Variants in MYO7A observed in about 807,000 individuals in gnomAD.
MYO7A encodes the protein myosin VIIA, also known as unconventional myosin-VIIa.
Under a neutral mutation model 263.8 loss-of-function variants are expected in MYO7A, and 210 were observed. The observed-to-expected ratio is 0.80, with a 90% confidence interval of 0.71 to 0.89. The LOEUF is 0.89. MYO7A is among the 40% of genes least tolerant of loss of function. The pLI is 0.00. For synonymous variants in MYO7A, 1,239 were observed against 1,197.3 expected (o/e 1.03, Z -0.72); for missense variants, 2,820 against 2,968.3 (o/e 0.95, Z 1.16).
chr11:77,150,723 T>A (rs1221153375), intron 4 of MYO7A, among the ~76,000 whole-genome samples: 5 of 152,170 alleles, frequency 3.3e-5, no homozygotes, highest in Non-Finnish European at 7.3e-5. Context: ...TGGAAGGGCC[T>A]CAGCTCCAAT....
chr11:77,135,726 A>G lies in MYO7A; in HGVS notation c.18+5074A>G, dbSNP rs1048495779. Among the ~76,000 whole-genome samples, 9 of 140,104 alleles carry G rather than the reference A, an allele frequency of 6.4e-5. No individual in the cohort carries two copies. The East Asian group carries it at 2.1e-3, about 32-fold the overall frequency. 91.9% of individuals were successfully genotyped at this position (140,104 alleles called of 152,430 possible). On this transcript the variant is annotated intron_variant, in intron 2 of 48. Coordinates refer to ENST00000409709, the MANE Select transcript of MYO7A (RefSeq NM_000260.4). The stretch of plus-strand genomic sequence containing the variant: ...GTTCCATTTTCTCCACATCTTTACC[A>G]ATACTTATTTTCTGTTTTGTTTTGT...
At chr11:77,156,121 C>T (rs375545498) in intron 5 of MYO7A, 30 bp downstream of exon 5, 23 of 1,609,268 alleles carry the variant, frequency 1.4e-5, no homozygotes, top group African/African-American at 5.3e-5. Flanking sequence ...TGTGGAGCTC[C>T]AGGCTTAGGA....
intron 33 of MYO7A, among the ~76,000 whole-genome samples, chr11:77,197,817 C>T (rs1956776284): frequency 6.6e-6 from 1 of 152,238 alleles, no homozygotes; most frequent in African/African-American, 2.4e-5. Flanking sequence ...CGTCTTGAGC[C>T]AGGGGCCCCC....
chr11:77,157,665 G>C (rs1384997798), intron 8 of MYO7A, among the ~76,000 whole-genome samples: 1 of 152,032 alleles, frequency 6.6e-6, no homozygotes, highest in Admixed American at 6.5e-5. Context: ...TGCCTGGGCT[G>C]GGCTGGGGTG....
At position 77,160,177 on chromosome 11, in the gene MYO7A, C is replaced by T. The variant is rs956387344; in HGVS notation, c.1095C>T (p.Asp365=). 9.6e-6 allele frequency: 15 copies of T among 1,564,108 alleles called. No homozygotes were observed. The highest frequency in any genetic ancestry group is 1.3e-5 in the Non-Finnish European group (15 of 1,155,116). ...AASLLEVNPP[D]LMSCLTSRTL... is the part of the protein sequence containing the mutation. ...GCCTGTACCAGGTGAACCCCCCAGACCTGATGAGCTGCCTGACTAGCCGCA... is the reference window on the plus strand; with the variant it reads ...GCCTGTACCAGGTGAACCCCCCAGATCTGATGAGCTGCCTGACTAGCCGCA... The change falls in exon 11 of 49, where the codon GAC becomes GAT. Residue 365 remains aspartate, a synonymous_variant. Transcript: ENST00000409709.
At chr11:77,178,812 G>A (rs1335584435) in intron 19 of MYO7A, among the ~76,000 whole-genome samples, 1 of 152,092 alleles carries the variant, frequency 6.6e-6, no homozygotes, top group Non-Finnish European at 1.5e-5. Flanking sequence ...AATACCTTTT[G>A]AATGTCTACC....
In MYO7A at chr11:77,205,515, C is replaced by A; in HGVS notation, c.5534C>A (p.Pro1845Gln). The A allele has an allele frequency of 6.2e-7, 1 of 1,602,764 alleles. No individual in the cohort carries two copies. The highest frequency in any genetic ancestry group is 8.5e-7 in the Non-Finnish European group (1 of 1,175,400). Residue 1845 changes from proline to glutamine, a missense_variant, in exon 40 of 49, where the codon CCA becomes CAA. By Grantham distance (76) the Pro-to-Gln change is moderately conservative. Transcript: ENST00000409709. ...CTCTGGCTGTGCACGGGCCTTTTCC[C>A]ACCCAGCAACATCCTCCTGCCCCAC... ...ELLWLCTGLF[P>Q]PSNILLPHVQ...
Position 77,194,506 on chromosome 11 carries a change from C to T in MYO7A, c.4305C>T (p.Ala1435=), listed in dbSNP as rs1208690754. ...LKTLEKWAQL[A]IAAHKKGIYA... ...CGCTGGAGAAGTGGGCCCAGCTGGC[C>T]ATCGCCGCCCACAAGAAGGTAGAAG... The change falls in exon 32 of 49, where the codon GCC becomes GCT. Residue 1435 remains alanine, a synonymous_variant. Transcript: ENST00000409709. 12 of 1,601,954 alleles carry T rather than the reference C, an allele frequency of 7.5e-6. No individual in the cohort carries two copies. Among genetic ancestry groups the T allele is most frequent in the Non-Finnish European group, 1.0e-5 (12 of 1,174,678 alleles).
At chr11:77,195,305 G>A (rs749897106) in intron 32 of MYO7A, among the ~76,000 whole-genome samples, 26 of 151,730 alleles carry the variant, frequency 1.7e-4, no homozygotes, top group Non-Finnish European at 2.9e-4. Context: ...CCCGAGGCCC[G>A]AACCCCCCCG....
chr11:77,181,557 G>T lies in MYO7A; in HGVS notation c.2872G>T (p.Gly958Cys). 6.2e-7 allele frequency: 1 copy of T among 1,613,368 alleles called. No individual in the cohort carries two copies. The highest frequency in any genetic ancestry group is 8.5e-7 in the Non-Finnish European group (1 of 1,179,872). The stretch of plus-strand genomic sequence containing the variant: ...CCTGGGGACTTCAGGTGGCCTGCCA[G>T]GCCAGGAGGGCCAGGCACCTAGTGG... ...GFLGTSGGLP[G>C]QEGQAPSGFE... Residue 958 changes from glycine to cysteine, a missense_variant, in exon 23 of 49, where the codon GGC (glycine) becomes TGC (cysteine). Transcript: ENST00000409709.
intron 39 of MYO7A, among the ~76,000 whole-genome samples, chr11:77,204,498 G>A (rs1264729004): frequency 1.3e-5 from 2 of 152,218 alleles, no homozygotes; most frequent in Non-Finnish European, 2.9e-5. Flanking sequence ...CTGGAGCCTC[G>A]TCTGGATGCC....
Position 77,182,070 on chromosome 11 carries a change from C to T in MYO7A, c.3024C>T (p.Tyr1008=), listed in dbSNP as rs782669055. The change falls in exon 24 of 49, where the codon TAC becomes TAT. Residue 1008 remains tyrosine, a synonymous_variant. Transcript: ENST00000409709. ...EYKFAKFAAT[Y]FQGTTTHSYT... ...AATTTGCCAAGTTCGCGGCCACCTA[C>T]TTCCAGGGGACAACCACGCACTCCT... 6.2e-7 allele frequency: 1 copy of T among 1,613,354 alleles called. No individual in the cohort carries two copies. Among genetic ancestry groups the T allele is most frequent in the Non-Finnish European group, 8.5e-7 (1 of 1,179,722 alleles).
chr11:77,208,589 G>C (rs1467856609), intron 43 of MYO7A, 72 bp downstream of exon 43: 2 of 1,527,532 alleles, frequency 1.3e-6, no homozygotes, highest in South Asian at 1.2e-5. Context: ...TGTGCCGTGA[G>C]GCCCACCTAG....
intron 19 of MYO7A, among the ~76,000 whole-genome samples, chr11:77,178,192 C>CCCAT (rs1208613810): frequency 7.0e-4 from 2 of 2,872 alleles, no homozygotes; most frequent in Non-Finnish European, 5.5e-3. Flanking sequence ...CACCCACCTA[C>CCCAT]CCATCCATCC....
intron 2 of MYO7A, among the ~76,000 whole-genome samples, chr11:77,133,246 C>T (rs1950816930): frequency 6.6e-6 from 1 of 152,126 alleles, no homozygotes; most frequent in Non-Finnish European, 1.5e-5. Flanking sequence ...AAGGACTAGC[C>T]CAGCTGACTA....
chr11:77,181,651 C>G, intron 23 of MYO7A, 62 bp downstream of exon 23: 1 of 1,498,752 alleles, frequency 6.7e-7, no homozygotes, highest in Non-Finnish European at 9.1e-7. Flanking sequence ...GATCCTCCCT[C>G]CTTCTGTGCC....
At position 77,160,160 on chromosome 11, in the gene MYO7A, C is replaced by T. The variant is rs1555067402; in HGVS notation, c.1081-3C>T. 1.3e-6 allele frequency: 2 copies of T among 1,555,870 alleles called. No homozygotes were observed. Among genetic ancestry groups the T allele is most frequent in the South Asian group, 1.2e-5 (1 of 84,212 alleles). On this transcript the variant is annotated splice_polypyrimidine_tract_variant and splice_region_variant and intron_variant, in intron 10 of 48. Coordinates refer to ENST00000409709, the MANE Select transcript of MYO7A (RefSeq NM_000260.4). Reference sequence around the variant, plus strand: ...TGAGCACCTGGGGTGTTGCCTGTACCAGGTGAACCCCCCAGACCTGATGAG... The same window carrying T: ...TGAGCACCTGGGGTGTTGCCTGTACTAGGTGAACCCCCCAGACCTGATGAG...
In MYO7A at chr11:77,197,757, T is replaced by C. The variant is rs11237116; in HGVS notation, c.4441+159T>C. 0.01 allele frequency among the ~76,000 whole-genome samples: 531 copies of C among 52,402 alleles called. 23 individuals carry two copies. Among genetic ancestry groups the C allele is most frequent in the African/African-American group, 0.028 (329 of 11,692 alleles). The allele number at this position is 52,402 out of a possible 152,430, so 34.4% of individuals were successfully genotyped here. A position where few individuals can be genotyped will look rare whatever the true frequency, so the allele number is the denominator to read the frequency against. ...TTCTCAGGTACCCCACAGCCTGCAATGCTCCCAGTCCCTTGCTCTGTAGCT... is the reference window on the plus strand; with the variant it reads ...TTCTCAGGTACCCCACAGCCTGCAACGCTCCCAGTCCCTTGCTCTGTAGCT... On this transcript the variant is annotated intron_variant, in intron 33 of 48. Coordinates refer to ENST00000409709, the MANE Select transcript of MYO7A (RefSeq NM_000260.4).
chr11:77,182,913 A>G, intron 25 of MYO7A, 155 bp from the exon 26 acceptor site: 1 of 752,706 alleles, frequency 1.3e-6, no homozygotes, highest in Admixed American at 2.0e-5. Flanking sequence ...GTGGGGGTGC[A>G]AGGGTAGGGG....
Sources: allele counts gnomAD v4.1 joint callset (sites outside exome capture counted in the v4.1 genomes callset), GRCh38; gene constraint gnomAD v4.1.1; transcripts MANE v1.5; gene names NCBI Gene and HGNC (gene_info 2026-07-23, HGNC 2026-07-21).